The following RAB7A variants were observed in gnomAD, a reference collection of about 807,000 sequenced individuals.
RAB7A encodes the protein RAB7A, member RAS oncogene family, also known as ras-related protein Rab-7a.
Under a neutral mutation model 24.5 loss-of-function variants are expected in RAB7A, and 2 were observed. That is an observed-to-expected ratio of 0.08 (90% confidence interval 0.03 to 0.26). RAB7A has a LOEUF of 0.26. Ranked by LOEUF, RAB7A falls within the 10% of genes least tolerant of loss-of-function variation. RAB7A has a pLI of 1.00. For synonymous variants in RAB7A, 100 were observed against 95.9 expected (o/e 1.04, Z -0.25); for missense variants, 118 against 255.7 (o/e 0.46, Z 3.67).
chr3:128,777,553 T>C (rs1038094082), intron 1 of RAB7A, among the ~76,000 whole-genome samples: 2 of 152,196 alleles, frequency 1.3e-5, no homozygotes, highest in South Asian at 4.1e-4. Flanking sequence ...TCCTTAGAAC[T>C]CCTCAGGAGG....
At chr3:128,740,671 G>A (rs1222399100) in intron 1 of RAB7A, among the ~76,000 whole-genome samples, 7 of 151,616 alleles carry the variant, frequency 4.6e-5, no homozygotes, top group Non-Finnish European at 1.5e-5. Context: ...CAAGGTGGGA[G>A]GATCGGTTGA....
rs555132986 is a variant in RAB7A at position 128,773,626 on chromosome 3, G to A, written c.-8-21734G>A. Among the ~76,000 whole-genome samples the A allele has an allele frequency of 8.5e-5, 13 of 152,362 alleles. No homozygotes were observed. The South Asian group carries it at 2.3e-3, about 27-fold the overall frequency. On this transcript the variant is annotated intron_variant, in intron 1 of 5. Coordinates refer to ENST00000265062, the MANE Select transcript of RAB7A (RefSeq NM_004637.6). ...CTCATTGAGAACAGGCCATGATGAC[G>A]ATGGCGGTTTTGCAGAATAGAAAAG...
intron 1 of RAB7A, among the ~76,000 whole-genome samples, chr3:128,784,051 A>G (rs1933277176): frequency 6.6e-6 from 1 of 152,186 alleles, no homozygotes; most frequent in African/African-American, 2.4e-5. Context: ...TGCACGTAAC[A>G]TTCCCAATTT....
chr3:128,768,283 G>A (rs1283166951), intron 1 of RAB7A, among the ~76,000 whole-genome samples: 2 of 152,060 alleles, frequency 1.3e-5, no homozygotes, highest in Admixed American at 6.5e-5. Flanking sequence ...TAGCTCAGTG[G>A]TATTTCATTG....
At position 128,755,408 on chromosome 3, in the gene RAB7A, TGAA is replaced by T. The variant is rs983939806; in HGVS notation, c.-9+29052_-9+29054del. The stretch of plus-strand genomic sequence containing the variant: ...ATAAATGCCTTCATTAAAAAAAGGA[TGAA>T]GATCTCAAATCACCAATCTAACTTT... On this transcript the variant is annotated intron_variant, in intron 1 of 5. Coordinates refer to ENST00000265062, the MANE Select transcript of RAB7A (RefSeq NM_004637.6). Among the ~76,000 whole-genome samples, 165 of 148,230 alleles carry T rather than the reference TGAA, an allele frequency of 1.1e-3. 1 individual carries two copies. Among genetic ancestry groups the T allele is most frequent in the African/African-American group, 3.8e-3 (151 of 40,152 alleles).
chr3:128,782,962 G>T (rs768043682), intron 1 of RAB7A, among the ~76,000 whole-genome samples: 1 of 152,170 alleles, frequency 6.6e-6, no homozygotes, highest in African/African-American at 2.4e-5. Context: ...GTAAGAGAGT[G>T]TCTTGTGCTA....
chr3:128,809,801 T>C (rs1053408636), intron 5 of RAB7A, among the ~76,000 whole-genome samples: 1 of 151,540 alleles, frequency 6.6e-6, no homozygotes, highest in Non-Finnish European at 1.5e-5. Flanking sequence ...GACCGTGGCC[T>C]GTGCTAAATG....
chr3:128,807,917 CTTG>C (rs1328355835), intron 5 of RAB7A, among the ~76,000 whole-genome samples: 2 of 152,178 alleles, frequency 1.3e-5, no homozygotes, highest in Non-Finnish European at 2.9e-5. Context: ...TTTTACTAGG[CTTG>C]TTCTTATTTT....
chr3:128,763,021 T>C (rs1411042890), intron 1 of RAB7A, among the ~76,000 whole-genome samples: 1 of 151,720 alleles, frequency 6.6e-6, no homozygotes, highest in East Asian at 1.9e-4. Context: ...CTCCTTCCCT[T>C]TTTCTGTCAT....
At position 128,797,852 on chromosome 3, in the gene RAB7A, C is replaced by T. The variant is rs893884049; in HGVS notation, c.54-91C>T. 1.0e-5 allele frequency: 15 copies of T among 1,476,948 alleles called. No individual in the cohort carries two copies. In the Middle Eastern group the frequency reaches 6.4e-4, roughly 63 times the overall value. 91.5% of individuals were successfully genotyped at this position (1,476,948 alleles called of 1,614,324 possible). A position where few individuals can be genotyped will look rare whatever the true frequency, so the allele number is the denominator to read the frequency against. ...GAGGGCAGTTTCTTGTCCTTCAGGT[C>T]AGGCAGATTCTTTTAAATGCTTCAA... On this transcript the variant is annotated intron_variant, in intron 2 of 5. Coordinates refer to ENST00000265062, the MANE Select transcript of RAB7A (RefSeq NM_004637.6).
chr3:128,748,348 C>T (rs144286472), intron 1 of RAB7A, among the ~76,000 whole-genome samples: 1,906 of 152,304 alleles, frequency 0.013, 36 homozygotes, highest in African/African-American at 0.041. Context: ...TCTGCCCTAA[C>T]ACTTGTTCTT....
intron 1 of RAB7A, among the ~76,000 whole-genome samples, chr3:128,794,494 G>A (rs1933525682): frequency 6.6e-6 from 1 of 152,208 alleles, no homozygotes; most frequent in African/African-American, 2.4e-5. Context: ...AGGCACTGCT[G>A]TCAGCCTTGC....
At chr3:128,760,612 G>A (rs537650426) in intron 1 of RAB7A, among the ~76,000 whole-genome samples, 7 of 152,292 alleles carry the variant, frequency 4.6e-5, no homozygotes, top group South Asian at 2.1e-4. Context: ...TCACCTAACC[G>A]TCTGTTGATT....
chr3:128,763,372 G>A (rs1307887639), intron 1 of RAB7A, among the ~76,000 whole-genome samples: 3 of 151,154 alleles, frequency 2.0e-5, no homozygotes, highest in Non-Finnish European at 4.4e-5. Context: ...CCGCCACCAC[G>A]CCTGGCTAAT....
chr3:128,808,863 A>T (rs1211817170), intron 5 of RAB7A, among the ~76,000 whole-genome samples: 1 of 152,188 alleles, frequency 6.6e-6, no homozygotes, highest in African/African-American at 2.4e-5. Flanking sequence ...GTTGTTTGTA[A>T]TGGTTGCTCC....
Position 128,760,746 on chromosome 3 carries a change from C to G in RAB7A, c.-9+34387C>G, listed in dbSNP as rs182180402. Among the ~76,000 whole-genome samples the G allele has an allele frequency of 4.1e-4, 62 of 152,342 alleles. 1 individual carries two copies. Among genetic ancestry groups the G allele is most frequent in the African/African-American group, 1.5e-3 (62 of 41,584 alleles). ...GCAGAAAAACAGCCTCTAGCTTAAACTGAGTTATAAACATATGGAACTAGT... is the reference window on the plus strand; with the variant it reads ...GCAGAAAAACAGCCTCTAGCTTAAAGTGAGTTATAAACATATGGAACTAGT... On this transcript the variant is annotated intron_variant, in intron 1 of 5. Coordinates refer to ENST00000265062, the MANE Select transcript of RAB7A (RefSeq NM_004637.6).
At chr3:128,778,126 A>G (rs1657578871) in intron 1 of RAB7A, among the ~76,000 whole-genome samples, 1 of 152,200 alleles carries the variant, frequency 6.6e-6, no homozygotes, top group Non-Finnish European at 1.5e-5. Context: ...AAGAGTATAT[A>G]TTAATCCTAG....
At chr3:128,739,147 G>A (rs1460298743) in intron 1 of RAB7A, among the ~76,000 whole-genome samples, 3 of 152,210 alleles carry the variant, frequency 2.0e-5, no homozygotes, top group Non-Finnish European at 4.4e-5. Flanking sequence ...AGAGGCAAGA[G>A]GCACTGGTAG....
intron 1 of RAB7A, among the ~76,000 whole-genome samples, chr3:128,766,126 A>G (rs993916715): frequency 6.6e-6 from 1 of 152,186 alleles, no homozygotes; most frequent in Non-Finnish European, 1.5e-5. Context: ...TTGCAGGGGC[A>G]TTAACATTCA....
Sources: gnomAD v4.1 joint callset for allele counts (sites outside exome capture counted in the v4.1 genomes callset) on GRCh38, gnomAD v4.1.1 for gene constraint, MANE v1.5 for transcripts, NCBI Gene and HGNC (gene_info 2026-07-23, HGNC 2026-07-21) for gene names.